The following ANTXR2 variants were observed in gnomAD, a reference collection of about 807,000 sequenced individuals.
ANTXR2 encodes the protein anthrax toxin receptor 2.
A neutral mutation model predicts 73.7 loss-of-function variants in ANTXR2; 44 were observed. That is an observed-to-expected ratio of 0.60 (90% CI 0.47 to 0.77). ANTXR2 has a LOEUF of 0.77. Among genes scored for constraint, ANTXR2 ranks in the 30% least tolerant of loss-of-function variants. The pLI, the probability that ANTXR2 is intolerant of heterozygous loss-of-function variation, is 0.00. For synonymous variants in ANTXR2, 217 were observed against 205.9 expected, an observed-to-expected ratio of 1.05 and a Z score of -0.46; for missense variants, 604 against 592.5, an observed-to-expected ratio of 1.02 and a Z score of -0.20.
At chr4:80,013,058 G>T (rs1201105200) in intron 11 of ANTXR2, among the ~76,000 whole-genome samples, 1 of 152,126 alleles carries the variant, frequency 6.6e-6, no homozygotes, top group African/African-American at 2.4e-5. Context: ...TATTGTTATT[G>T]CAAAAGAGTC....
At chr4:79,908,546 A>AAAAAC (rs1727006955) in intron 16 of ANTXR2, among the ~76,000 whole-genome samples, 1 of 152,208 alleles carries the variant, frequency 6.6e-6, no homozygotes, top group Non-Finnish European at 1.5e-5. Context: ...AGAAAAGCAT[A>AAAAAC]AAAACAAAAC....
intron 12 of ANTXR2, among the ~76,000 whole-genome samples, chr4:79,997,054 C>A (rs961466715): frequency 6.7e-6 from 1 of 150,142 alleles, no homozygotes; most frequent in African/African-American, 2.4e-5. Flanking sequence ...TGGAAGAGAG[C>A]CGATTTCTTT....
chr4:79,976,064 C>T (rs1397189696), intron 16 of ANTXR2, among the ~76,000 whole-genome samples: 1 of 152,074 alleles, frequency 6.6e-6, no homozygotes, highest in Admixed American at 6.5e-5. Context: ...AGGCGCCCGC[C>T]ACCACGCCCT....
intron 12 of ANTXR2, among the ~76,000 whole-genome samples, chr4:79,991,266 C>A (rs1418455265): frequency 1.3e-5 from 2 of 151,712 alleles, no homozygotes; most frequent in Non-Finnish European, 2.9e-5. Flanking sequence ...AAACAAACAA[C>A]CTCATTTAAA....
At position 80,001,845 on chromosome 4, in the gene ANTXR2, T is replaced by G. The variant is rs1289611220; in HGVS notation, c.1041+6676A>C. Among the ~76,000 whole-genome samples the G allele has an allele frequency of 6.6e-5, 10 of 151,306 alleles. No homozygotes were observed. In the East Asian group the frequency reaches 1.9e-3, roughly 29 times the overall value. On this transcript the variant is annotated intron_variant, in intron 12 of 16. Coordinates refer to ENST00000403729, the MANE Select transcript of ANTXR2 (RefSeq NM_058172.6). ...TTTTGATCTTTGTTGGTTTAAATTC[T>G]GTTTTATCAGAGACTAGGATTGCAA...
chr4:79,986,074 T>C (rs1351162512), intron 12 of ANTXR2, among the ~76,000 whole-genome samples: 1 of 152,014 alleles, frequency 6.6e-6, no homozygotes, highest in Non-Finnish European at 1.5e-5. Flanking sequence ...AAATTCCTGA[T>C]CTCGGGTGAT....
chr4:80,018,421 T>C (rs1452215671), intron 11 of ANTXR2, among the ~76,000 whole-genome samples: 2 of 152,128 alleles, frequency 1.3e-5, no homozygotes, highest in Non-Finnish European at 1.5e-5. Flanking sequence ...TAAGATAGTA[T>C]CAAGCTGTCA....
At chr4:80,051,562 T>C (rs1467532987) in intron 7 of ANTXR2, among the ~76,000 whole-genome samples, 2 of 151,678 alleles carry the variant, frequency 1.3e-5, no homozygotes, top group East Asian at 3.9e-4. Context: ...ACATCAATAT[T>C]CCCCAAAACT....
chr4:80,012,562 G>GA (rs1731639241), intron 11 of ANTXR2, among the ~76,000 whole-genome samples: 1 of 152,066 alleles, frequency 6.6e-6, no homozygotes, highest in Admixed American at 6.6e-5. Flanking sequence ...CCTTCTACAG[G>GA]AAAAATTTGC....
chr4:80,054,191 A>G lies in ANTXR2; in HGVS notation c.636+81T>C, dbSNP rs1050706074. On this transcript the variant is annotated intron_variant, in intron 7 of 16. Transcript: ENST00000403729. ...TTTCCTCTAGATAATGACCACCTGC[A>G]CTGGATATTAAGATTACTTCTTATA... The G allele has an allele frequency of 6.5e-6, 7 of 1,081,742 alleles. No homozygotes were observed. The African/African-American group carries it at 6.6e-5, about 10-fold the overall frequency. The allele number at this position is 1,081,742 out of a possible 1,614,324, so 67.0% of individuals were successfully genotyped here. A position where few individuals can be genotyped will look rare whatever the true frequency, so the allele number is the denominator to read the frequency against.
chr4:80,050,176 C>T (rs7681132), intron 7 of ANTXR2, among the ~76,000 whole-genome samples: 1 of 151,610 alleles, frequency 6.6e-6, no homozygotes, highest in Non-Finnish European at 1.5e-5. Flanking sequence ...TCTGAATGTG[C>T]GGTCCAGAAA....
chr4:79,911,183 A>G (rs903531573), intron 16 of ANTXR2, among the ~76,000 whole-genome samples: 1 of 152,230 alleles, frequency 6.6e-6, no homozygotes, highest in East Asian at 1.9e-4. Flanking sequence ...TTTGCAGGAA[A>G]TGGAATATGA....
chr4:80,072,762 C>T lies in ANTXR2; in HGVS notation c.-202G>A, dbSNP rs1366816278. The T allele has an allele frequency of 1.6e-6, 2 of 1,261,854 alleles. No individual in the cohort carries two copies. Among genetic ancestry groups the T allele is most frequent in the Admixed American group, 4.2e-5 (1 of 23,924 alleles). 78.2% of individuals were successfully genotyped at this position (1,261,854 alleles called of 1,614,324 possible). Reference sequence around the variant, plus strand: ...CCTGAGAGGACAAAGGGAGTCTCCGCCACCGCCGCAGCTGCCGCCGGAACT... The same window carrying T: ...CCTGAGAGGACAAAGGGAGTCTCCGTCACCGCCGCAGCTGCCGCCGGAACT... On this transcript the variant is annotated 5_prime_UTR_variant, in exon 1 of 17. Transcript: ENST00000403729.
intron 7 of ANTXR2, among the ~76,000 whole-genome samples, chr4:80,040,295 GA>G (rs1410663748): frequency 6.6e-6 from 1 of 151,770 alleles, no homozygotes; most frequent in African/African-American, 2.4e-5. Flanking sequence ...TGAAAGGAAA[GA>G]AAAAATAGAA....
At chr4:79,997,305 T>A (rs1730775300) in intron 12 of ANTXR2, among the ~76,000 whole-genome samples, 1 of 151,602 alleles carries the variant, frequency 6.6e-6, no homozygotes, top group Admixed American at 6.6e-5. Flanking sequence ...CTAAGTAGTA[T>A]TTCAGAACTG....
chr4:80,031,947 T>A (rs1433559625), intron 9 of ANTXR2, among the ~76,000 whole-genome samples: 1 of 151,718 alleles, frequency 6.6e-6, no homozygotes, highest in Non-Finnish European at 1.5e-5. Context: ...CCATTCTAGA[T>A]ACTATAAAAT....
At chr4:79,989,416 C>T (rs990893316) in intron 12 of ANTXR2, among the ~76,000 whole-genome samples, 3 of 151,926 alleles carry the variant, frequency 2.0e-5, no homozygotes, top group Non-Finnish European at 2.9e-5. Context: ...TAAAAACATA[C>T]ACTTCTGAAG....
At chr4:79,999,950 A>G (rs1730939277) in intron 12 of ANTXR2, among the ~76,000 whole-genome samples, 1 of 152,072 alleles carries the variant, frequency 6.6e-6, no homozygotes, top group South Asian at 2.1e-4. Context: ...TAAATATGAT[A>G]TGGGATACAT....
chr4:79,916,557 CATA>C (rs1288838873), intron 16 of ANTXR2, among the ~76,000 whole-genome samples: 2 of 151,884 alleles, frequency 1.3e-5, no homozygotes, highest in Non-Finnish European at 2.9e-5. Context: ...AAAAATTTCT[CATA>C]ATATGACCTT....
Sources: gnomAD v4.1 joint callset for allele counts (sites outside exome capture counted in the v4.1 genomes callset) on GRCh38, gnomAD v4.1.1 for gene constraint, MANE v1.5 for transcripts, NCBI Gene and HGNC (gene_info 2026-07-23, HGNC 2026-07-21) for gene names.